Variants in SLC15A1 observed in about 807,000 individuals in gnomAD.
SLC15A1 encodes solute carrier family 15 member 1.
Under a neutral mutation model 92.9 loss-of-function variants are expected in SLC15A1, and 83 were observed. That is an observed-to-expected ratio of 0.89 (90% CI 0.75 to 1.07). The LOEUF (loss-of-function observed/expected upper bound fraction) is 1.07, where lower values mean the gene tolerates loss of function less well. Among genes scored for constraint, SLC15A1 ranks in the 50% least tolerant of loss-of-function variants. The probability of loss-of-function intolerance (pLI) is 0.00; values close to 1 mark genes in which losing one functional copy is unlikely to be tolerated. For synonymous variants in SLC15A1, 322 were observed against 318.2 expected (o/e 1.01, Z -0.13); for missense variants, 857 against 880.1 (o/e 0.97, Z 0.33).
chr13:98,747,751 C>T (rs73553210), intron 1 of SLC15A1, among the ~76,000 whole-genome samples: 4,524 of 152,080 alleles, frequency 0.03, 123 homozygotes, highest in African/African-American at 0.075. Context: ...TGTGATGGTG[C>T]GCACCTGTGA....
intron 4 of SLC15A1, among the ~76,000 whole-genome samples, chr13:98,725,644 A>G (rs931267998): frequency 6.6e-6 from 1 of 152,256 alleles, no homozygotes; most frequent in Non-Finnish European, 1.5e-5. Flanking sequence ...CAGTCACTAA[A>G]TGTCAGGCAC....
At chr13:98,717,721 C>T (rs1357656361) in intron 8 of SLC15A1, among the ~76,000 whole-genome samples, 1 of 152,178 alleles carries the variant, frequency 6.6e-6, no homozygotes, top group African/African-American at 2.4e-5. Flanking sequence ...AATTGCTACA[C>T]TGTGAGCAAA....
intron 17 of SLC15A1, 39 bp downstream of exon 17, chr13:98,704,250 A>C (rs1167050948): frequency 1.3e-6 from 2 of 1,527,528 alleles, no homozygotes; most frequent in Non-Finnish European, 1.8e-6. Context: ...CCAGTATCAC[A>C]AATAGCAAAG....
chr13:98,728,065 T>C (rs1293697638), intron 1 of SLC15A1, among the ~76,000 whole-genome samples: 5 of 152,236 alleles, frequency 3.3e-5, no homozygotes, highest in African/African-American at 7.2e-5. Context: ...GTGCTGCCAC[T>C]GGTCCAGGCA....
intron 18 of SLC15A1, 118 bp from the exon 19 acceptor site, chr13:98,688,695 C>T (rs1242984944): frequency 1.4e-6 from 1 of 725,214 alleles, no homozygotes; most frequent in East Asian, 2.7e-5. Flanking sequence ...AAGATGTTTT[C>T]AGAATATTTC....
chr13:98,686,983 T>C (rs1279131040), intron 21 of SLC15A1, among the ~76,000 whole-genome samples: 1 of 149,852 alleles, frequency 6.7e-6, no homozygotes. Flanking sequence ...TGTCTTGCTC[T>C]GTTGCGCATG....
chr13:98,739,980 G>T (rs2088430100), intron 1 of SLC15A1, among the ~76,000 whole-genome samples: 1 of 152,034 alleles, frequency 6.6e-6, no homozygotes. Flanking sequence ...CATCAAAGAA[G>T]AAAGAGCCCC....
intron 1 of SLC15A1, 78 bp downstream of exon 1, chr13:98,752,517 C>CCCGGCCCTCGGTG (rs1355313315): frequency 2.9e-5 from 36 of 1,235,374 alleles, no homozygotes; most frequent in Non-Finnish European, 3.2e-5. Context: ...CTTCGCGCCT[C>CCCGGCCCTCGGTG]CCGGCCCTCG....
At chr13:98,716,043 T>G in intron 8 of SLC15A1, 83 bp from the exon 9 acceptor site, 1 of 1,154,242 alleles carries the variant, frequency 8.7e-7, no homozygotes, top group Non-Finnish European at 1.3e-6. Context: ...TTATTTGAAT[T>G]ATAACTTTGT....
At chr13:98,708,821 G>A (rs1226476181) in intron 14 of SLC15A1, 54 bp from the exon 15 acceptor site, 5 of 1,390,776 alleles carry the variant, frequency 3.6e-6, no homozygotes, top group African/African-American at 1.4e-5. Flanking sequence ...GATGAGCTAA[G>A]CTAAACCCCC....
At chr13:98,751,050 C>T (rs549148686) in intron 1 of SLC15A1, among the ~76,000 whole-genome samples, 22 of 152,202 alleles carry the variant, frequency 1.4e-4, no homozygotes, top group African/African-American at 4.8e-4. Context: ...CCACTGCGCC[C>T]GGCCAAGATC....
intron 1 of SLC15A1, among the ~76,000 whole-genome samples, chr13:98,749,508 G>A (rs1473151675): frequency 6.6e-6 from 1 of 152,172 alleles, no homozygotes; most frequent in Admixed American, 6.5e-5. Flanking sequence ...TGGGAGGAAA[G>A]AGATCAAATA....
chr13:98,718,525 C>CA (rs1278549810), intron 8 of SLC15A1, among the ~76,000 whole-genome samples: 3 of 151,788 alleles, frequency 2.0e-5, no homozygotes, highest in African/African-American at 4.8e-5. Flanking sequence ...AAAACAACAA[C>CA]AAAAAAACCA....
At chr13:98,705,488 G>A (rs1459013572) in intron 16 of SLC15A1, among the ~76,000 whole-genome samples, 3 of 152,156 alleles carry the variant, frequency 2.0e-5, no homozygotes, top group African/African-American at 2.4e-5. Context: ...ATGTCCCCTA[G>A]CATCAAAATC....
chr13:98,694,059 A>G (rs888747692), intron 18 of SLC15A1, among the ~76,000 whole-genome samples: 2 of 152,218 alleles, frequency 1.3e-5, no homozygotes, highest in Non-Finnish European at 1.5e-5. Flanking sequence ...ATTTCTGTGG[A>G]GAGGATCAAC....
At chr13:98,706,564 C>T (rs2088114449) in intron 15 of SLC15A1, among the ~76,000 whole-genome samples, 1 of 152,168 alleles carries the variant, frequency 6.6e-6, no homozygotes, top group African/African-American at 2.4e-5. Flanking sequence ...GGGTGGCTTC[C>T]CCCGTACTGT....
chr13:98,726,430 A>AG lies in SLC15A1; in HGVS notation c.40dup (p.Leu14ProfsTer10), dbSNP rs1197751030. Reference sequence around the variant, plus strand: ...ATTGACCACGATGAAGAAGATGCTCAGGGGATAACCAAAGAAACTCTGACA... The same window carrying AG: ...ATTGACCACGATGAAGAAGATGCTCAGGGGGATAACCAAAGAAACTCTGACA... On this transcript the variant is annotated frameshift_variant, in exon 3 of 23. Transcript: ENST00000376503. LOFTEE classifies it high-confidence loss of function. 1.9e-6 allele frequency: 3 copies of AG among 1,613,970 alleles called. No individual in the cohort carries two copies. In the African/African-American group the frequency reaches 4.0e-5, roughly 22 times the overall value.
In SLC15A1 at chr13:98,706,034, C is replaced by T. The variant is rs1365422831; in HGVS notation, c.1269+100G>A. 6 of 1,303,608 alleles carry T rather than the reference C, an allele frequency of 4.6e-6. No homozygotes were observed. The African/African-American group carries it at 9.0e-5, about 19-fold the overall frequency. 80.8% of individuals were successfully genotyped at this position (1,303,608 alleles called of 1,614,324 possible). On this transcript the variant is annotated intron_variant, in intron 16 of 22. Coordinates refer to ENST00000376503, the MANE Select transcript of SLC15A1 (RefSeq NM_005073.4). ...GATCCTTAGTTCACTTCTGGGCTGG[C>T]CTTGGCATTTATACAAGGACCAAGA...
At chr13:98,694,491 C>G (rs1285821689) in intron 18 of SLC15A1, among the ~76,000 whole-genome samples, 2 of 151,858 alleles carry the variant, frequency 1.3e-5, no homozygotes, top group African/African-American at 4.8e-5. Flanking sequence ...TAAAGGATAC[C>G]ATACTCATAC....
Sources: allele counts gnomAD v4.1 joint callset (sites outside exome capture counted in the v4.1 genomes callset), GRCh38; gene constraint gnomAD v4.1.1; transcripts MANE v1.5; gene names NCBI Gene and HGNC (gene_info 2026-07-23, HGNC 2026-07-21).